The following RHEX variants were observed in gnomAD, a reference collection of about 807,000 sequenced individuals.
RHEX encodes the protein regulator of hemoglobinization and erythroid cell expansion, also known as regulator of hemoglobinization and erythroid cell expansion protein.
In RHEX, 18 loss-of-function variants were observed where a neutral mutation model predicts 20.1. That is an observed-to-expected ratio of 0.90 (90% CI 0.62 to 1.33). The LOEUF (loss-of-function observed/expected upper bound fraction) is 1.33, where lower values mean the gene tolerates loss of function less well. Among genes scored for constraint, RHEX ranks in the 40% most tolerant of loss-of-function variants. The pLI is 0.00. For missense variants in RHEX, 192 were observed against 214.3 expected (o/e 0.90, Z 0.65); for synonymous variants, 87 against 77.1 (o/e 1.13, Z -0.67).
rs1474327398 is a variant in RHEX at position 206,101,858 on chromosome 1, T to C, written c.425T>C (p.Val142Ala). 2.7e-5 allele frequency: 43 copies of C among 1,613,904 alleles called. No individual in the cohort carries two copies. Among genetic ancestry groups the C allele is most frequent in the Admixed American group, 5.0e-5 (3 of 59,998 alleles). Residue 142 changes from valine to alanine, a missense_variant, in exon 6 of 6, where the codon GTC (valine) becomes GCC (alanine). Physicochemically the swap from Val to Ala is moderately conservative, Grantham distance 64. Coordinates refer to ENST00000331555, the MANE Select transcript of RHEX (RefSeq NM_001007544.4). ...AACATAAAGGAAATCACAGATTATG[T>C]CAATGTCAATCCAGAAAGACACAAG... ...YENIKEITDYVNVNPERHKPS... is the reference protein window; with the variant it reads ...YENIKEITDYANVNPERHKPS...
At position 206,095,738 on chromosome 1, in the gene RHEX, C is replaced by T. The variant is rs942374482; in HGVS notation, c.-96-1995C>T. The stretch of plus-strand genomic sequence containing the variant: ...GGCTCAGGCAGGAGAATCGCTTGAA[C>T]CTGGGAGGTGGAGGTCGCAGTGAGC... On this transcript the variant is annotated intron_variant, in intron 1 of 5. Coordinates refer to ENST00000331555, the MANE Select transcript of RHEX (RefSeq NM_001007544.4). 7.2e-5 allele frequency among the ~76,000 whole-genome samples: 11 copies of T among 152,060 alleles called. 1 individual carries two copies. The highest frequency in any genetic ancestry group is 2.2e-4 in the African/African-American group (9 of 41,394).
At chr1:206,064,043 C>T (rs1571854086) in intron 1 of RHEX, among the ~76,000 whole-genome samples, 1 of 150,728 alleles carries the variant, frequency 6.6e-6, no homozygotes, top group Non-Finnish European at 1.5e-5. Context: ...TTTGCCCCGC[C>T]GCCCCGTCTG....
intron 1 of RHEX, among the ~76,000 whole-genome samples, chr1:206,096,715 A>G (rs1232501822): frequency 1.3e-5 from 2 of 150,876 alleles, no homozygotes; most frequent in African/African-American, 4.9e-5. Flanking sequence ...TTTTCTTTCC[A>G]GTGTGTTGGC....
In RHEX at chr1:206,101,945, C is replaced by T; in HGVS notation, c.512C>T (p.Ala171Val). The T allele has an allele frequency of 6.2e-7, 1 of 1,611,202 alleles. No homozygotes were observed. ...GAGCCAGCGGAATATGATCAAGTGG[C>T]CATGTGAATTCCAAATATTTTTAAT... Reference protein sequence around the residue: ...LSEPAEYDQVAM With the variant: ...LSEPAEYDQVVM Residue 171 changes from alanine (A) to valine (V), a missense_variant, in exon 6 of 6, where the codon GCC becomes GTC. Transcript: ENST00000331555.
chr1:206,079,535 T>A (rs1269820772), intron 1 of RHEX, among the ~76,000 whole-genome samples: 1 of 152,136 alleles, frequency 6.6e-6, no homozygotes, highest in Admixed American at 6.6e-5. Flanking sequence ...GTTAGGAATT[T>A]AGGGTTAGAT....
intron 1 of RHEX, among the ~76,000 whole-genome samples, chr1:206,089,133 A>G (rs782587769): frequency 1.1e-4 from 16 of 152,046 alleles, no homozygotes; most frequent in Non-Finnish European, 2.1e-4. Flanking sequence ...TTATTTTCAT[A>G]TTGAAAATGA....
At chr1:206,079,012 A>G (rs1410244287) in intron 1 of RHEX, among the ~76,000 whole-genome samples, 4 of 152,188 alleles carry the variant, frequency 2.6e-5, no homozygotes, top group Admixed American at 6.5e-5. Context: ...TTGAATCCTG[A>G]TTCTGCTACT....
At chr1:206,097,691 TA>T in intron 1 of RHEX, 41 bp from the exon 2 acceptor site, 1 of 1,346,526 alleles carries the variant, frequency 7.4e-7, no homozygotes, top group Non-Finnish European at 1.0e-6. Context: ...GAAATTTGTA[TA>T]AAGAGCCCTG....
intron 3 of RHEX, among the ~76,000 whole-genome samples, chr1:206,098,958 G>C (rs1014827677): frequency 6.6e-6 from 1 of 152,222 alleles, no homozygotes; most frequent in Non-Finnish European, 1.5e-5. Context: ...AGTTGATACA[G>C]CTTGGTGGAT....
chr1:206,064,295 C>T (rs184713183), intron 1 of RHEX, among the ~76,000 whole-genome samples: 15,073 of 135,796 alleles, frequency 0.11, 1,067 homozygotes, highest in African/African-American at 0.17. Flanking sequence ...CCAGCCGCCC[C>T]GTCCGGGAGG....
At chr1:206,090,892 C>T (rs1157958837) in intron 1 of RHEX, among the ~76,000 whole-genome samples, 1 of 152,020 alleles carries the variant, frequency 6.6e-6, no homozygotes, top group African/African-American at 2.4e-5. Context: ...TTTATTATAT[C>T]TACAGGACTT....
chr1:206,099,151 C>T (rs1553288090), intron 3 of RHEX, among the ~76,000 whole-genome samples: 1 of 152,088 alleles, frequency 6.6e-6, no homozygotes, highest in Non-Finnish European at 1.5e-5. Context: ...GGAGTGAGGC[C>T]TCGGAGGCTG....
rs145692559 is a variant in RHEX, at chr1:206,098,152, C to T, written c.83C>T (p.Ala28Val). The T allele has an allele frequency of 1.2e-6, 2 of 1,613,648 alleles. No homozygotes were observed. Among genetic ancestry groups the T allele is most frequent in the African/African-American group, 2.7e-5 (2 of 74,920 alleles). ...TTCCTGCAGGCCTGCTTCCTCACCG[C>T]CATCAACTACCTGCTCAGCAGGCAC... The part of the protein sequence containing the change: ...SLFLQACFLT[A>V]INYLLSRHMA... Residue 28 changes from alanine to valine, a missense_variant, in exon 3 of 6, where the codon GCC (alanine) becomes GTC (valine). Ala to Val is a moderately conservative substitution (Grantham distance 64). Transcript: ENST00000331555.
At chr1:206,090,007 C>G (rs1196090027) in intron 1 of RHEX, among the ~76,000 whole-genome samples, 1 of 151,836 alleles carries the variant, frequency 6.6e-6, no homozygotes, top group Admixed American at 6.6e-5. Context: ...AATTTATTTT[C>G]TTTTCCCTTA....
intron 1 of RHEX, among the ~76,000 whole-genome samples, chr1:206,063,730 C>A (rs1362771303): frequency 6.6e-6 from 1 of 152,244 alleles, no homozygotes; most frequent in Non-Finnish European, 1.5e-5. Flanking sequence ...GTGGCGTGAT[C>A]TCGGCTGGCT....
chr1:206,086,712 TA>T (rs781991924), intron 1 of RHEX, among the ~76,000 whole-genome samples: 22 of 152,134 alleles, frequency 1.4e-4, no homozygotes, highest in Non-Finnish European at 2.9e-4. Context: ...ACGTGTGAGT[TA>T]AAAACATGAA....
chr1:206,072,087 G>A (rs1662547725), intron 1 of RHEX, among the ~76,000 whole-genome samples: 1 of 152,070 alleles, frequency 6.6e-6, no homozygotes, highest in Non-Finnish European at 1.5e-5. Context: ...CAACAAATAA[G>A]TCTTTCATGC....
rs77422737 is a variant in RHEX, at chr1:206,102,042, A to T, written c.*90A>T. ...GCCATTTTTCCCCCTTAAACAAGGC[A>T]TGGGGCTCACAAGTCTATGGAGACA... is the stretch of plus-strand genomic sequence containing the variant. On this transcript the variant is annotated 3_prime_UTR_variant, in exon 6 of 6. Coordinates refer to ENST00000331555, the MANE Select transcript of RHEX (RefSeq NM_001007544.4). The T allele has an allele frequency of 5.2e-3, 5,545 of 1,072,380 alleles. 194 individuals are homozygous for T. In the African/African-American group the frequency reaches 0.076, roughly 15 times the overall value. The allele number at this position is 1,072,380 out of a possible 1,614,324, so 66.4% of individuals were successfully genotyped here.
At chr1:206,062,726 G>C (rs563618509) in intron 1 of RHEX, among the ~76,000 whole-genome samples, 7 of 152,310 alleles carry the variant, frequency 4.6e-5, no homozygotes, top group South Asian at 2.1e-4. Flanking sequence ...GAAAGGGGAC[G>C]GGGGAGGAGT....
Sources: allele counts gnomAD v4.1 joint callset (sites outside exome capture counted in the v4.1 genomes callset), GRCh38; gene constraint gnomAD v4.1.1; transcripts MANE v1.5; gene names NCBI Gene and HGNC (gene_info 2026-07-23, HGNC 2026-07-21).